The following MAST4 variants were observed in gnomAD, a reference collection of about 807,000 sequenced individuals.
MAST4 encodes microtubule associated serine/threonine kinase family member 4.
MAST4 carries 89 observed loss-of-function variants against 162.7 expected under a neutral mutation model. The ratio of observed to expected loss-of-function variants is 0.55; its 90% confidence interval spans 0.46 to 0.65. The LOEUF is 0.65. MAST4 is among the 30% of genes least tolerant of loss of function. The pLI, the probability that MAST4 is intolerant of heterozygous loss-of-function variation, is 0.00. For missense variants in MAST4, 3,153 were observed against 3,374.0 expected (o/e 0.93, Z 1.62); for synonymous variants, 1,479 against 1,361.1 (o/e 1.09, Z -1.91).
chr5:66,959,159 G>C, intron 4 of MAST4: 1 of 774,422 alleles, frequency 1.3e-6, no homozygotes, highest in South Asian at 1.4e-5. Context: ...GTCCTTTAGA[G>C]AGGTTCGGTT....
chr5:66,883,872 G>T (rs7737822), intron 3 of MAST4, among the ~76,000 whole-genome samples: 2,093 of 152,242 alleles, frequency 0.014, 46 homozygotes, highest in African/African-American at 0.048. Flanking sequence ...AGTACACAAG[G>T]GATTTGTTTC....
chr5:66,875,402 C>G (rs1761228759), intron 3 of MAST4, among the ~76,000 whole-genome samples: 1 of 152,166 alleles, frequency 6.6e-6, no homozygotes, highest in South Asian at 2.1e-4. Context: ...TTGGTCCTAA[C>G]TAAAATGAGC....
At chr5:66,960,421 T>C (rs1745867890) in intron 4 of MAST4, among the ~76,000 whole-genome samples, 1 of 152,328 alleles carries the variant, frequency 6.6e-6, no homozygotes, top group East Asian at 1.9e-4. Flanking sequence ...GCTGTGACAT[T>C]CTTCATATTA....
chr5:67,095,784 T>C, intron 7 of MAST4, 109 bp downstream of exon 7: 1 of 714,114 alleles, frequency 1.4e-6, no homozygotes, highest in Non-Finnish European at 2.1e-6. Flanking sequence ...AGATAAATTC[T>C]GCATGTCTGC....
Position 66,845,074 on chromosome 5 carries a change from G to T in MAST4, c.643-54877G>T, listed in dbSNP as rs1371394778. Among the ~76,000 whole-genome samples, 4 of 85,520 alleles carry T rather than the reference G, an allele frequency of 4.7e-5. No homozygotes were observed. The South Asian group carries it at 2.1e-3, about 44-fold the overall frequency. 56.1% of individuals were successfully genotyped at this position (85,520 alleles called of 152,430 possible). A position where few individuals can be genotyped will look rare whatever the true frequency, so the allele number is the denominator to read the frequency against. ...TGGAAAATAACACTGACCCATTAAGGTCACTAATCTTTATATATATATATA... is the reference window on the plus strand; with the variant it reads ...TGGAAAATAACACTGACCCATTAAGTTCACTAATCTTTATATATATATATA... On this transcript the variant is annotated intron_variant, in intron 3 of 28. Coordinates refer to ENST00000403625, the MANE Select transcript of MAST4 (RefSeq NM_001164664.2).
chr5:67,152,028 A>G (rs1771894440), intron 24 of MAST4, among the ~76,000 whole-genome samples: 1 of 152,146 alleles, frequency 6.6e-6, no homozygotes, highest in Non-Finnish European at 1.5e-5. Flanking sequence ...TTGGCCTCTC[A>G]AAAGTGCTGG....
intron 3 of MAST4, among the ~76,000 whole-genome samples, chr5:66,809,776 G>T (rs529087377): frequency 6.6e-6 from 1 of 151,988 alleles, no homozygotes; most frequent in African/African-American, 2.4e-5. Context: ...TTGCTCTGTC[G>T]CCAGGCTGGA....
intron 3 of MAST4, among the ~76,000 whole-genome samples, chr5:66,845,732 C>A (rs191021213): frequency 9.9e-5 from 15 of 152,064 alleles, no homozygotes; most frequent in South Asian, 4.2e-4. Flanking sequence ...TGCTACCAAC[C>A]GTGTAAAAGC....
intron 4 of MAST4, among the ~76,000 whole-genome samples, chr5:66,987,527 A>G (rs1228948623): frequency 6.6e-6 from 1 of 151,970 alleles, no homozygotes; most frequent in African/African-American, 2.4e-5. Flanking sequence ...TCCCTAAAGT[A>G]TGGTGTTTAA....
chr5:66,900,000 G>C lies in MAST4; in HGVS notation c.674+18G>C, dbSNP rs1208321515. On this transcript the variant is annotated intron_variant, in intron 4 of 28. Transcript: ENST00000403625. ...GGAAGTTTGTAAGTAGTAGTATTTT[G>C]TTTCCTTGTTTTCTTTTTATTAATA... 1.3e-6 allele frequency: 2 copies of C among 1,485,560 alleles called. No individual in the cohort carries two copies. 92.0% of individuals were successfully genotyped at this position (1,485,560 alleles called of 1,614,324 possible).
chr5:67,055,009 GT>G (rs11366472), intron 5 of MAST4, among the ~76,000 whole-genome samples: 6,049 of 145,322 alleles, frequency 0.042, 216 homozygotes, highest in African/African-American at 0.099. Context: ...TTATATGCTG[GT>G]TTTTTTTTTT....
chr5:66,946,509 A>C (rs1031220307), intron 4 of MAST4, among the ~76,000 whole-genome samples: 1 of 152,170 alleles, frequency 6.6e-6, no homozygotes, highest in Non-Finnish European at 1.5e-5. Flanking sequence ...TGTATTGCTG[A>C]CAGCCTTCAA....
intron 17 of MAST4, 129 bp downstream of exon 17, chr5:67,133,775 A>G: frequency 9.6e-7 from 1 of 1,044,436 alleles, no homozygotes; most frequent in Non-Finnish European, 1.4e-6. Flanking sequence ...TAAACCTTAC[A>G]TTTAATAAAG....
intron 4 of MAST4, among the ~76,000 whole-genome samples, chr5:67,049,163 G>A (rs937016083): frequency 1.3e-5 from 2 of 149,952 alleles, no homozygotes; most frequent in Non-Finnish European, 3.0e-5. Flanking sequence ...ATATGTTATT[G>A]GCTTGGACTT....
chr5:66,961,680 C>A (rs1360869396), intron 4 of MAST4, among the ~76,000 whole-genome samples: 1 of 152,100 alleles, frequency 6.6e-6, no homozygotes, highest in Non-Finnish European at 1.5e-5. Context: ...TACATAGACA[C>A]TTCGTAGCAC....
chr5:67,116,897 C>T lies in MAST4; in HGVS notation c.1592-1785C>T, dbSNP rs139689526. ...CTTGTCAGCGTCTAAACTAACATAC[C>T]TTAGACTTGTCCTTTGAAGGTTAGG... On this transcript the variant is annotated intron_variant, in intron 12 of 28. Transcript: ENST00000403625. Among the ~76,000 whole-genome samples, 598 of 152,210 alleles carry T rather than the reference C, an allele frequency of 3.9e-3. 5 individuals are homozygous for T. The highest frequency in any genetic ancestry group is 0.012 in the African/African-American group (506 of 41,516).
chr5:67,035,549 A>G (rs913775042), intron 4 of MAST4, among the ~76,000 whole-genome samples: 1 of 152,112 alleles, frequency 6.6e-6, no homozygotes, highest in Non-Finnish European at 1.5e-5. Context: ...AGAAACCAGG[A>G]ATCACTTCCT....
At chr5:66,968,169 C>T (rs915090775) in intron 4 of MAST4, among the ~76,000 whole-genome samples, 3 of 152,122 alleles carry the variant, frequency 2.0e-5, no homozygotes, top group Non-Finnish European at 2.9e-5. Context: ...TCTATTATGC[C>T]GTAGTGATGT....
chr5:66,687,451 C>T (rs1299791178), intron 1 of MAST4, among the ~76,000 whole-genome samples: 3 of 150,956 alleles, frequency 2.0e-5, no homozygotes, highest in Non-Finnish European at 2.9e-5. Flanking sequence ...ACGGTATACA[C>T]GTATTCCATA....
Sources: allele counts gnomAD v4.1 joint callset (sites outside exome capture counted in the v4.1 genomes callset), GRCh38; gene constraint gnomAD v4.1.1; transcripts MANE v1.5; gene names NCBI Gene and HGNC (gene_info 2026-07-23, HGNC 2026-07-21).